Variants in GCN1 observed in about 807,000 individuals in gnomAD.
GCN1 encodes the protein stalled ribosome sensor GCN1.
In GCN1, 90 loss-of-function variants were observed where a neutral mutation model predicts 288.4. The ratio of observed to expected loss-of-function variants is 0.31; its 90% CI spans 0.26 to 0.37. The LOEUF is 0.37. GCN1 is among the 10% of genes least tolerant of loss of function. The pLI, the probability that GCN1 is intolerant of heterozygous loss-of-function variation, is 1.00. For synonymous variants in GCN1, 1,386 were observed against 1,420.2 expected (o/e 0.98, Z 0.54); for missense variants, 2,586 against 3,419.9 (o/e 0.76, Z 6.08).
Position 120,145,052 on chromosome 12 carries a change from C to G in GCN1, c.5026G>C (p.Val1676Leu). The change falls in exon 40 of 58, where the codon GTA becomes CTA. Residue 1676 changes from valine (V) to leucine (L), a missense_variant. Coordinates refer to ENST00000300648, the MANE Select transcript of GCN1 (RefSeq NM_006836.2). ...LLDPVPEVRTVSAKALGAMVK... is the reference protein window; with the variant it reads ...LLDPVPEVRTLSAKALGAMVK... Reference sequence around the variant, plus strand: ...ATGGCCCCAAGGGCCTTTGCAGATACGGTCCGCACCTGTCAGGTAACCGAG... The same window carrying G: ...ATGGCCCCAAGGGCCTTTGCAGATAGGGTCCGCACCTGTCAGGTAACCGAG... The G allele has an allele frequency of 6.2e-7, 1 of 1,613,958 alleles. No homozygotes were observed. Among genetic ancestry groups the G allele is most frequent in the Non-Finnish European group, 8.5e-7 (1 of 1,180,022 alleles).
At chr12:120,172,067 T>C (rs1878330456) in intron 14 of GCN1, among the ~76,000 whole-genome samples, 5 of 152,186 alleles carry the variant, frequency 3.3e-5, no homozygotes, top group Non-Finnish European at 7.3e-5. Flanking sequence ...TCTCACTTTG[T>C]TGCCCAGGCT....
In GCN1 at chr12:120,151,381, G is replaced by T. The variant is rs767503769; in HGVS notation, c.4073C>A (p.Ser1358Tyr). Residue 1358 changes from serine (S) to tyrosine (Y), a missense_variant, in exon 34 of 58, where the codon TCC (serine) becomes TAC (tyrosine). Ser to Tyr is a moderately radical substitution (Grantham distance 144). Around this residue, in one of 8 missense-constraint regions of GCN1, gnomAD observed 332 missense variants for 403.0 expected, o/e 0.82. Transcript: ENST00000300648. Reference protein sequence around the residue: ...LSTPSQQVQESVASCLPPLVP... With the variant: ...LSTPSQQVQEYVASCLPPLVP... ...AAGGGGTGGCAAGCAGCTGGCTACG[G>T]ACTCCTGGACCTGGGGAAGGGCCCA... 1 of 1,613,530 alleles carries T rather than the reference G, an allele frequency of 6.2e-7. No homozygotes were observed. Among genetic ancestry groups the T allele is most frequent in the Non-Finnish European group, 8.5e-7 (1 of 1,179,984 alleles).
rs983780023 is a variant in GCN1 at position 120,127,518 on chromosome 12, G to A, written c.*331C>T. 9.8e-5 allele frequency: 24 copies of A among 244,358 alleles called. No homozygotes were observed. The highest frequency in any genetic ancestry group is 8.2e-6 in the Non-Finnish European group (1 of 122,504). 15.1% of individuals were successfully genotyped at this position (244,358 alleles called of 1,614,324 possible). On this transcript the variant is annotated 3_prime_UTR_variant, in exon 58 of 58. Coordinates refer to ENST00000300648, the MANE Select transcript of GCN1 (RefSeq NM_006836.2). The stretch of plus-strand genomic sequence containing the variant: ...CGCCAGCTCTCAAACCAGAGCTCAA[G>A]CACAGGAGAAGAGGAACCCACAGTC...
At chr12:120,157,256 G>T in intron 26 of GCN1, 1 of 434,984 alleles carries the variant, frequency 2.3e-6, no homozygotes, top group Non-Finnish European at 4.1e-6. Flanking sequence ...TATATGAAGA[G>T]ACACTCAACT....
chr12:120,140,402 TCCCACCTGGCA>T (rs757926115), intron 45 of GCN1, among the ~76,000 whole-genome samples: 25 of 152,116 alleles, frequency 1.6e-4, no homozygotes, highest in Non-Finnish European at 2.9e-4. Flanking sequence ...ATATGCTTCC[TCCCACCTGGCA>T]CCACAACTCT....
chr12:120,128,199 C>T (rs375721271), intron 57 of GCN1, among the ~76,000 whole-genome samples: 8 of 152,258 alleles, frequency 5.3e-5, no homozygotes, highest in South Asian at 2.1e-4. Context: ...CTATGTTGCC[C>T]GGCTGATCTT....
chr12:120,137,572 G>A lies in GCN1; in HGVS notation c.6636C>T (p.Ser2212=), dbSNP rs769091497. 2 of 1,614,214 alleles carry A rather than the reference G, an allele frequency of 1.2e-6. No homozygotes were observed. The highest frequency in any genetic ancestry group is 1.7e-6 in the Non-Finnish European group (2 of 1,180,016). The stretch of plus-strand genomic sequence containing the variant: ...TAGTGATGGCATTTAGGGCATCCCA[G>A]CTCTCCTCCAGAACCACAGGGCTGG... ...NDSSPVVLEE[S]WDALNAITKK... Residue 2212 remains serine (S), a synonymous_variant, in exon 49 of 58, where the codon AGC becomes AGT. Coordinates refer to ENST00000300648, the MANE Select transcript of GCN1 (RefSeq NM_006836.2). This position sits in a 1 kb window ranked among gnomAD's most constrained non-coding sequence, Gnocchi z 5.2.
chr12:120,146,771 G>A (rs1008697069), intron 38 of GCN1, among the ~76,000 whole-genome samples: 3 of 152,180 alleles, frequency 2.0e-5, no homozygotes, highest in African/African-American at 7.2e-5. Context: ...CTTGTCAAGA[G>A]CAAGTAGTCA....
intron 31 of GCN1, 68 bp downstream of exon 31, chr12:120,154,902 C>T: frequency 7.1e-7 from 1 of 1,416,246 alleles, no homozygotes; most frequent in East Asian, 2.3e-5. Context: ...CTCCTCACAG[C>T]ACCCACCCAG....
intron 51 of GCN1, among the ~76,000 whole-genome samples, chr12:120,135,060 G>A (rs192970455): frequency 1.3e-4 from 20 of 152,324 alleles, no homozygotes; most frequent in Admixed American, 8.5e-4. Context: ...ATCCTCCTCT[G>A]AATACATTAA....
chr12:120,181,032 A>G (rs1878640679), intron 5 of GCN1, among the ~76,000 whole-genome samples: 2 of 152,234 alleles, frequency 1.3e-5, no homozygotes, highest in South Asian at 4.1e-4. Flanking sequence ...GCAAGCAGAT[A>G]TGCTTGTGGA....
chr12:120,148,086 TG>T, intron 37 of GCN1, 80 bp downstream of exon 37: 1 of 958,832 alleles, frequency 1.0e-6, no homozygotes. Context: ...CTTAGCTGAA[TG>T]GGTGCAAGTT....
At chr12:120,168,182 G>A (rs1179955844) in intron 16 of GCN1, 26 bp downstream of exon 16, 1 of 1,304,148 alleles carries the variant, frequency 7.7e-7, no homozygotes, top group East Asian at 2.3e-5. Context: ...TCAATCCCGA[G>A]TTCAACTAAG....
Position 120,151,405 on chromosome 12 carries a change from C to T in GCN1, c.4063-14G>A. On this transcript the variant is annotated splice_polypyrimidine_tract_variant and intron_variant, in intron 33 of 57. Transcript: ENST00000300648. Reference sequence around the variant, plus strand: ...GGACTCCTGGACCTGGGGAAGGGCCCACCTGTCAATGCTGTGGCTCCGCTG... The same window carrying T: ...GGACTCCTGGACCTGGGGAAGGGCCTACCTGTCAATGCTGTGGCTCCGCTG... 1 of 1,612,404 alleles carries T rather than the reference C, an allele frequency of 6.2e-7. No homozygotes were observed. Among genetic ancestry groups the T allele is most frequent in the African/African-American group, 1.3e-5 (1 of 75,028 alleles).
intron 15 of GCN1, among the ~76,000 whole-genome samples, chr12:120,169,407 G>C (rs1373937058): frequency 6.8e-6 from 1 of 147,846 alleles, no homozygotes; most frequent in Admixed American, 6.8e-5. Context: ...ATTATATATA[G>C]TATATATATT....
intron 5 of GCN1, among the ~76,000 whole-genome samples, chr12:120,180,445 T>C (rs1435512641): frequency 4.0e-5 from 6 of 149,428 alleles, no homozygotes. Context: ...TGAAACCCTG[T>C]CGCTACTAAA....
In GCN1 at chr12:120,156,708, G is replaced by T; in HGVS notation, c.3169-104C>A. ...ACACCCACCCCTACAGCACTGCAAG[G>T]GCTAAGACCCCAGCTCCAGTGGCAG... On this transcript the variant is annotated intron_variant, in intron 27 of 57. Transcript: ENST00000300648. This position sits in a 1 kb window ranked among gnomAD's most constrained non-coding sequence, Gnocchi z 5.8. 1.7e-6 allele frequency: 2 copies of T among 1,189,792 alleles called. No homozygotes were observed. Among genetic ancestry groups the T allele is most frequent in the South Asian group, 1.4e-5 (1 of 73,136 alleles). The allele number at this position is 1,189,792 out of a possible 1,614,324, so 73.7% of individuals were successfully genotyped here. A position where few individuals can be genotyped will look rare whatever the true frequency, so the allele number is the denominator to read the frequency against.
chr12:120,151,016 C>A (rs1877531570), intron 34 of GCN1, 129 bp downstream of exon 34: 4 of 1,007,022 alleles, frequency 4.0e-6, no homozygotes, highest in Non-Finnish European at 5.9e-6. Context: ...GGGTCGCACA[C>A]AGCGGGGCCC....
intron 57 of GCN1, 34 bp downstream of exon 57, chr12:120,129,242 C>T (rs1198613104): frequency 6.9e-7 from 1 of 1,449,114 alleles, no homozygotes; most frequent in South Asian, 1.1e-5. Context: ...CAAATGCTCA[C>T]AGCACATCCT....
Sources: gnomAD v4.1 joint callset for allele counts (sites outside exome capture counted in the v4.1 genomes callset) on GRCh38, gnomAD v4.1.1 for gene constraint, gnomAD v4.1.1 regional missense constraint, Gnocchi (gnomAD v3.1) non-coding constraint, MANE v1.5 for transcripts, NCBI Gene and HGNC (gene_info 2026-07-23, HGNC 2026-07-21) for gene names.